PRKD1: variants seen among roughly 807,000 people sequenced by gnomAD.
PRKD1 encodes serine/threonine-protein kinase D1.
In PRKD1, 63 loss-of-function variants were observed where a neutral mutation model predicts 95.9. That is an observed-to-expected ratio of 0.66 (90% CI 0.54 to 0.81). The LOEUF (loss-of-function observed/expected upper bound fraction) is 0.81. Ranked by LOEUF, PRKD1 falls within the 30% of genes least tolerant of loss-of-function variation. PRKD1 has a pLI of 0.00. For synonymous variants in PRKD1, 425 were observed against 423.1 expected, an observed-to-expected ratio of 1.00 and a Z score of -0.05; for missense variants, 1,048 against 1,165.3, an observed-to-expected ratio of 0.90 and a Z score of 1.47.
chr14:29,843,584 T>G (rs116555387), intron 1 of PRKD1, among the ~76,000 whole-genome samples: 2,295 of 152,272 alleles, frequency 0.015, 57 homozygotes, highest in African/African-American at 0.047. Context: ...TCAAACATTT[T>G]TATGCATTCA....
At chr14:29,775,421 AC>A (rs1271152965) in intron 1 of PRKD1, among the ~76,000 whole-genome samples, 3 of 152,232 alleles carry the variant, frequency 2.0e-5, no homozygotes, top group Admixed American at 6.5e-5. Flanking sequence ...GACAGATGGC[AC>A]CTGGAAAATC....
intron 2 of PRKD1, among the ~76,000 whole-genome samples, chr14:29,718,384 T>C (rs1390141410): frequency 1.9e-4 from 23 of 124,106 alleles, no homozygotes; most frequent in Admixed American, 1.8e-3. Context: ...TCTGCCATGA[T>C]TGCAAGTCTC....
chr14:29,874,082 G>A (rs1893204379), intron 1 of PRKD1, among the ~76,000 whole-genome samples: 1 of 151,942 alleles, frequency 6.6e-6, no homozygotes, highest in African/African-American at 2.4e-5. Context: ...CTTTTGCTTG[G>A]TTGTATACAC....
At chr14:29,773,555 A>G (rs995780697) in intron 1 of PRKD1, among the ~76,000 whole-genome samples, 1 of 151,962 alleles carries the variant, frequency 6.6e-6, no homozygotes, top group South Asian at 2.1e-4. Context: ...ATTACCCTCA[A>G]ATTTATTTTT....
At chr14:29,733,152 G>C (rs1400124572) in intron 1 of PRKD1, among the ~76,000 whole-genome samples, 2 of 150,404 alleles carry the variant, frequency 1.3e-5, no homozygotes, top group African/African-American at 4.9e-5. Flanking sequence ...GCCCAGGCTG[G>C]AGTGCAGTGG....
chr14:29,793,150 AT>A lies in PRKD1; in HGVS notation c.265-67477del, dbSNP rs796794116. The stretch of plus-strand genomic sequence containing the variant: ...AAATATACAAGGGTAACAAAAGCCT[AT>A]TTTTTGCTTGTAGGAGCACTATAAT... On this transcript the variant is annotated intron_variant, in intron 1 of 17. Coordinates refer to ENST00000331968, the MANE Select transcript of PRKD1 (RefSeq NM_002742.3). 1.3e-5 allele frequency among the ~76,000 whole-genome samples: 2 copies of A among 152,134 alleles called. 1 individual carries two copies. The highest frequency in any genetic ancestry group is 4.1e-4 in the South Asian group (2 of 4,830).
intron 2 of PRKD1, among the ~76,000 whole-genome samples, chr14:29,702,259 G>T (rs1259979460): frequency 6.6e-6 from 1 of 151,868 alleles, no homozygotes; most frequent in Non-Finnish European, 1.5e-5. Context: ...TAATTTCTTA[G>T]GTTTAACTGT....
chr14:29,760,349 C>CTTTT (rs36093531), intron 1 of PRKD1, among the ~76,000 whole-genome samples: 2 of 114,168 alleles, frequency 1.8e-5, no homozygotes, highest in Non-Finnish European at 3.5e-5. Context: ...ATTTTCTCAA[C>CTTTT]TTTTTTTTTT....
At position 29,585,413 on chromosome 14, in the gene PRKD1, T is replaced by G. The variant is rs376254517; in HGVS notation, c.2435-7053A>C. Among the ~76,000 whole-genome samples the G allele has an allele frequency of 9.5e-4, 144 of 152,344 alleles. 3 individuals are homozygous for G. The East Asian group carries it at 0.013, about 13-fold the overall frequency. Reference sequence around the variant, plus strand: ...TTCTTTCCTCTGTAGAAAGTTATTCTATCAATGGTTACTCCTTTGCTTTTC... The same window carrying G: ...TTCTTTCCTCTGTAGAAAGTTATTCGATCAATGGTTACTCCTTTGCTTTTC... On this transcript the variant is annotated intron_variant, in intron 16 of 17. Coordinates refer to ENST00000331968, the MANE Select transcript of PRKD1 (RefSeq NM_002742.3).
intron 11 of PRKD1, among the ~76,000 whole-genome samples, chr14:29,627,686 A>G (rs951347042): frequency 7.7e-5 from 5 of 64,662 alleles, no homozygotes; most frequent in Non-Finnish European, 1.7e-4. Context: ...GTACCCCAGA[A>G]GTTAAAGTAT....
intron 1 of PRKD1, among the ~76,000 whole-genome samples, chr14:29,734,374 A>C (rs1386020366): frequency 6.6e-6 from 1 of 152,014 alleles, no homozygotes; most frequent in South Asian, 2.1e-4. Flanking sequence ...TAGATGCCAG[A>C]TATTATAAAT....
chr14:29,849,484 T>C (rs1008964556), intron 1 of PRKD1, among the ~76,000 whole-genome samples: 1 of 151,954 alleles, frequency 6.6e-6, no homozygotes, highest in Non-Finnish European at 1.5e-5. Flanking sequence ...ACAGACACCT[T>C]CCTAAGATTG....
At chr14:29,859,953 C>T (rs1408973039) in intron 1 of PRKD1, among the ~76,000 whole-genome samples, 1 of 152,084 alleles carries the variant, frequency 6.6e-6, no homozygotes, top group East Asian at 1.9e-4. Flanking sequence ...AATGAGTAAA[C>T]AGATTTTGAA....
At chr14:29,746,113 G>T (rs1269204100) in intron 1 of PRKD1, among the ~76,000 whole-genome samples, 1 of 152,068 alleles carries the variant, frequency 6.6e-6, no homozygotes, top group African/African-American at 2.4e-5. Flanking sequence ...TCACACTAAA[G>T]CAGCACACTT....
chr14:29,666,834 C>T (rs528381784), intron 2 of PRKD1, among the ~76,000 whole-genome samples: 11 of 152,188 alleles, frequency 7.2e-5, no homozygotes, highest in Admixed American at 3.3e-4. Flanking sequence ...TTAATACATA[C>T]GCTGGTGAAC....
At chr14:29,593,367 CT>C (rs1411137489) in intron 16 of PRKD1, among the ~76,000 whole-genome samples, 3 of 152,122 alleles carry the variant, frequency 2.0e-5, no homozygotes, top group African/African-American at 2.4e-5. Context: ...TCTGTTAATG[CT>C]TTTGTGATTG....
At chr14:29,841,744 A>AT (rs1190309135) in intron 1 of PRKD1, among the ~76,000 whole-genome samples, 1 of 151,642 alleles carries the variant, frequency 6.6e-6, no homozygotes, top group Non-Finnish European at 1.5e-5. Context: ...TTATTTTTAA[A>AT]TTTTTTCTTT....
intron 1 of PRKD1, among the ~76,000 whole-genome samples, chr14:29,918,362 T>C (rs903060464): frequency 6.6e-6 from 1 of 152,056 alleles, no homozygotes; most frequent in Non-Finnish European, 1.5e-5. Flanking sequence ...TATCAAATAG[T>C]AATTTACAAA....
Position 29,633,057 on chromosome 14 carries a change from G to C in PRKD1, c.1315-111C>G. ...GACATGCGATTTGAGGGTGGAAAGTGCATGGGCTTTGGGAAAGGCAGACTC... is the reference window on the plus strand; with the variant it reads ...GACATGCGATTTGAGGGTGGAAAGTCCATGGGCTTTGGGAAAGGCAGACTC... On this transcript the variant is annotated intron_variant, in intron 8 of 17. Coordinates refer to ENST00000331968, the MANE Select transcript of PRKD1 (RefSeq NM_002742.3). 2.5e-5 allele frequency: 25 copies of C among 995,102 alleles called. 1 individual carries two copies. In the South Asian group the frequency reaches 3.4e-4, roughly 14 times the overall value. The allele number at this position is 995,102 out of a possible 1,614,324, so 61.6% of individuals were successfully genotyped here. A position where few individuals can be genotyped will look rare whatever the true frequency, so the allele number is the denominator to read the frequency against.
Sources: gnomAD v4.1 joint callset for allele counts (sites outside exome capture counted in the v4.1 genomes callset) on GRCh38, gnomAD v4.1.1 for gene constraint, MANE v1.5 for transcripts, NCBI Gene and HGNC (gene_info 2026-07-23, HGNC 2026-07-21) for gene names.